SEMA3G: variants seen among roughly 807,000 people sequenced by gnomAD.
SEMA3G encodes the protein semaphorin 3G.
A neutral mutation model predicts 86.2 loss-of-function variants in SEMA3G; 70 were observed. The observed-to-expected ratio is 0.81, with a 90% CI of 0.67 to 0.99. The LOEUF (loss-of-function observed/expected upper bound fraction) is 0.99. Ranked by LOEUF, SEMA3G falls within the 50% of genes least tolerant of loss-of-function variation. The pLI is 0.00. For missense variants in SEMA3G, 1,002 were observed against 1,072.4 expected, an observed-to-expected ratio of 0.93 and a Z score of 0.92; for synonymous variants, 416 against 441.4, an observed-to-expected ratio of 0.94 and a Z score of 0.72.
At chr3:52,437,329 C>T (rs115698937) in intron 15 of SEMA3G, among the ~76,000 whole-genome samples, 198 bp downstream of exon 15, 200 of 152,318 alleles carry the variant, frequency 1.3e-3, no homozygotes, top group African/African-American at 4.6e-3. Context: ...GTTCCAGCCA[C>T]ATCTGGCCTG....
chr3:52,438,707 T>C (rs1706092619), intron 13 of SEMA3G: 3 of 985,378 alleles, frequency 3.0e-6, no homozygotes, highest in South Asian at 9.4e-5. Flanking sequence ...GAACTGGCCT[T>C]TGTGACTATC....
In SEMA3G at chr3:52,442,300, T is replaced by G; in HGVS notation, c.344A>C (p.Glu115Ala). The G allele has an allele frequency of 6.2e-7, 1 of 1,610,508 alleles. No homozygotes were observed. Among genetic ancestry groups the G allele is most frequent in the Non-Finnish European group, 8.5e-7 (1 of 1,178,334 alleles). ...TAGCACCCGCACGAAGTTGGCGCAC[T>G]CTGTCTGCGGGGAGAAGGAGGGGGT... ...CVRKGRDPLT[E>A]CANFVRVLQP... Residue 115 changes from glutamate to alanine, a missense_variant, in exon 4 of 16, where the codon GAG becomes GCG. Coordinates refer to ENST00000231721, the MANE Select transcript of SEMA3G (RefSeq NM_020163.3). The surrounding 1 kb of genome is among the most constrained non-coding windows in gnomAD (Gnocchi z 6.1).
chr3:52,441,604 G>A lies in SEMA3G; in HGVS notation c.637C>T (p.Arg213Cys), dbSNP rs372952470. The A allele has an allele frequency of 3.3e-5, 53 of 1,613,514 alleles. No individual in the cohort carries two copies. Among genetic ancestry groups the A allele is most frequent in the East Asian group, 8.9e-5 (4 of 44,880 alleles). ...AAGAGACTCTGGTCAGAGTCGGAAC[G>A]CAGAGCTGGCCGAGGACCTCCACTT... ...FRSGGPRPALRSDSDQSLLHD... is the reference protein window; with the variant it reads ...FRSGGPRPALCSDSDQSLLHD... The change falls in exon 6 of 16, where the codon CGT becomes TGT. Residue 213 changes from arginine (R) to cysteine (C), a missense_variant. By Grantham distance (180) the Arg-to-Cys change is radical. Coordinates refer to ENST00000231721, the MANE Select transcript of SEMA3G (RefSeq NM_020163.3).
intron 13 of SEMA3G, 80 bp downstream of exon 13, chr3:52,438,840 C>G (rs1706094831): frequency 6.3e-7 from 1 of 1,586,576 alleles, no homozygotes; most frequent in Non-Finnish European, 8.6e-7. Flanking sequence ...CTCGAGGAGG[C>G]TGCGGAGCAG....
Position 52,435,491 on chromosome 3 carries a change from TA to T in SEMA3G, c.*111del. 9.4e-7 allele frequency: 1 copy of T among 1,062,464 alleles called. No homozygotes were observed. The highest frequency in any genetic ancestry group is 1.4e-6 in the Non-Finnish European group (1 of 731,212). The allele number at this position is 1,062,464 out of a possible 1,614,324, so 65.8% of individuals were successfully genotyped here. On this transcript the variant is annotated 3_prime_UTR_variant, in exon 16 of 16. Transcript: ENST00000231721. ...GTGTGGGGGCAGAGACACCTGTCTC[TA>T]AGAGGCAAACAGACATCCTGACCCC...
At chr3:52,436,102 G>C in intron 15 of SEMA3G, 29 bp from the exon 16 acceptor site, 1 of 1,582,538 alleles carries the variant, frequency 6.3e-7, no homozygotes, top group South Asian at 1.2e-5. Context: ...GGCGTGAGTA[G>C]GGTGCAAGGT....
intron 11 of SEMA3G, 23 bp downstream of exon 11, chr3:52,439,844 C>T (rs1224557961): frequency 6.8e-6 from 11 of 1,610,744 alleles, no homozygotes; most frequent in Non-Finnish European, 8.5e-6. Flanking sequence ...TCCAGCCTGG[C>T]CACCCTGGCT....
At chr3:52,438,343 G>A in intron 13 of SEMA3G, 144 bp from the exon 14 acceptor site, 1 of 1,419,818 alleles carries the variant, frequency 7.0e-7, no homozygotes. Context: ...AAAACAAAAA[G>A]TGTTTATCAC....
At chr3:52,444,692 ACAC>A in intron 1 of SEMA3G, among the ~76,000 whole-genome samples, 1 of 124,454 alleles carries the variant, frequency 8.0e-6, no homozygotes, top group East Asian at 2.5e-4. Flanking sequence ...CAAACTCGGC[ACAC>A]GCACACAAAC....
rs1426175480 is a variant in SEMA3G at position 52,445,054 on chromosome 3, G to T, written c.-27C>A. On this transcript the variant is annotated 5_prime_UTR_variant, in exon 1 of 16. Coordinates refer to ENST00000231721, the MANE Select transcript of SEMA3G (RefSeq NM_020163.3). ...CTGGGGAACTGAGGGCACCGCTGCC[G>T]CCTGCCTGCAGAGCCGCCCTCTGGT... 4 of 1,261,834 alleles carry T rather than the reference G, an allele frequency of 3.2e-6. No homozygotes were observed. The East Asian group carries it at 9.4e-5, about 30-fold the overall frequency. 78.2% of individuals were successfully genotyped at this position (1,261,834 alleles called of 1,614,324 possible). A position where few individuals can be genotyped will look rare whatever the true frequency, so the allele number is the denominator to read the frequency against.
In SEMA3G at chr3:52,441,386, G is replaced by T; in HGVS notation, c.691C>A (p.Arg231=). ...LHDPRFVMAA[R]IPENSDQDND... is the part of the protein sequence containing the mutation. ...TCCTGGTCAGAGTTCTCAGGGATCC[G>T]GGCGGCCATCACAAACCGGGGGTCT... is the stretch of plus-strand genomic sequence containing the variant. The change falls in exon 7 of 16, where the codon CGG becomes AGG. Residue 231 remains arginine (R), a synonymous_variant. Coordinates refer to ENST00000231721, the MANE Select transcript of SEMA3G (RefSeq NM_020163.3). 2 of 1,613,826 alleles carry T rather than the reference G, an allele frequency of 1.2e-6. No homozygotes were observed. Among genetic ancestry groups the T allele is most frequent in the South Asian group, 2.2e-5 (2 of 91,074 alleles).
chr3:52,437,782 T>C, intron 14 of SEMA3G, 116 bp from the exon 15 acceptor site: 1 of 1,287,964 alleles, frequency 7.8e-7, no homozygotes, highest in African/African-American at 1.5e-5. Context: ...TAGGCATGCG[T>C]GGATCCCCAA....
rs769063186 is a variant in SEMA3G at position 52,441,262 on chromosome 3, A to T, written c.813+2T>A. On this transcript the variant is annotated splice_donor_variant, in intron 7 of 15. Coordinates refer to ENST00000231721, the MANE Select transcript of SEMA3G (RefSeq NM_020163.3). LOFTEE classifies it high-confidence loss of function. ...ACCTCACCACCCCTTCCCAGCTCTT[A>T]CCACGCAGACGCGGCCCACGCGGCT... is the stretch of plus-strand genomic sequence containing the variant. 2 of 1,612,576 alleles carry T rather than the reference A, an allele frequency of 1.2e-6. No individual in the cohort carries two copies. Among genetic ancestry groups the T allele is most frequent in the South Asian group, 2.2e-5 (2 of 90,982 alleles).
Position 52,435,681 on chromosome 3 carries a change from C to T in SEMA3G, c.2271G>A (p.Gly757=), listed in dbSNP as rs1706032722. Residue 757 remains glycine, a synonymous_variant, in exon 16 of 16, where the codon GGG becomes GGA. Transcript: ENST00000231721. ...GKQARGKSWA[G]LELGKKMKSR... is the part of the protein sequence containing the mutation. ...TCTTCATCTTCTTGCCTAGCTCCAG[C>T]CCTGCCCAGCTCTTGCCCCTGGCCT... is the stretch of plus-strand genomic sequence containing the variant. 6.2e-7 allele frequency: 1 copy of T among 1,614,140 alleles called. No homozygotes were observed. The highest frequency in any genetic ancestry group is 1.1e-5 in the South Asian group (1 of 91,084).
At position 52,439,948 on chromosome 3, in the gene SEMA3G, G is replaced by C. The variant is rs767968990; in HGVS notation, c.1294C>G (p.Leu432Val). The C allele has an allele frequency of 6.2e-6, 10 of 1,613,880 alleles. No individual in the cohort carries two copies. The East Asian group carries it at 1.3e-4, about 22-fold the overall frequency. The change falls in exon 11 of 16, where the codon CTG becomes GTG. Residue 432 changes from leucine to valine, a missense_variant. Transcript: ENST00000231721. ...HGRPVLVKTH[L>V]AQQLHQIVVD... is the part of the protein sequence containing the mutation. ...ACGATCTGGTGTAGCTGCTGGGCCA[G>C]GTGGGTCTTGACAAGGACAGGGCGG... is the stretch of plus-strand genomic sequence containing the variant.
At position 52,438,968 on chromosome 3, in the gene SEMA3G, A is replaced by G; in HGVS notation, c.1468-7T>C. On this transcript the variant is annotated splice_polypyrimidine_tract_variant and splice_region_variant and intron_variant, in intron 12 of 15. Transcript: ENST00000231721. ...CGGTGATAGGTGTTGGCACCTGGGG[A>G]AGGAGAAGGGTCTCAGTGTGGGTCG... 1 of 1,613,136 alleles carries G rather than the reference A, an allele frequency of 6.2e-7. No individual in the cohort carries two copies. The highest frequency in any genetic ancestry group is 8.5e-7 in the Non-Finnish European group (1 of 1,179,498).
In SEMA3G at chr3:52,438,581, T is replaced by C. The variant is rs1210150927; in HGVS notation, c.1509+339A>G. 4.1e-6 allele frequency: 4 copies of C among 985,466 alleles called. No individual in the cohort carries two copies. The South Asian group carries it at 1.4e-4, about 35-fold the overall frequency. The allele number at this position is 985,466 out of a possible 1,614,324, so 61.0% of individuals were successfully genotyped here. On this transcript the variant is annotated intron_variant, in intron 13 of 15. Coordinates refer to ENST00000231721, the MANE Select transcript of SEMA3G (RefSeq NM_020163.3). ...TTACACAAAGATACACTGGAGCAGATAAATATGGGGAGACGGGTTTTGCCA... is the reference window on the plus strand; with the variant it reads ...TTACACAAAGATACACTGGAGCAGACAAATATGGGGAGACGGGTTTTGCCA...
In SEMA3G at chr3:52,441,867, C is replaced by G; in HGVS notation, c.502G>C (p.Gly168Arg). 6.3e-7 allele frequency: 1 copy of G among 1,592,362 alleles called. No individual in the cohort carries two copies. The highest frequency in any genetic ancestry group is 8.6e-7 in the Non-Finnish European group (1 of 1,169,298). Residue 168 changes from glycine to arginine, a missense_variant, in exon 5 of 16, where the codon GGG (glycine) becomes CGG (arginine). Transcript: ENST00000231721. ...LEPGSVESGR[G>R]RCPHEPSRPF... ...CGGCTGGGCTCGTGAGGGCACCGCCCCCGGCCACTTTCCACACTGCCAGGC... is the reference window on the plus strand; with the variant it reads ...CGGCTGGGCTCGTGAGGGCACCGCCGCCGGCCACTTTCCACACTGCCAGGC...
intron 13 of SEMA3G, 56 bp downstream of exon 13, chr3:52,438,864 G>C: frequency 6.2e-7 from 1 of 1,606,234 alleles, no homozygotes; most frequent in Non-Finnish European, 8.5e-7. Flanking sequence ...CAGAGGAGGA[G>C]GCTGCGGAGC....
Sources: gnomAD v4.1 joint callset for allele counts (sites outside exome capture counted in the v4.1 genomes callset) on GRCh38, gnomAD v4.1.1 for gene constraint, Gnocchi (gnomAD v3.1) non-coding constraint, MANE v1.5 for transcripts, NCBI Gene and HGNC (gene_info 2026-07-23, HGNC 2026-07-21) for gene names.